The following ZNF317 variants were observed in gnomAD, a reference collection of about 807,000 sequenced individuals.
ZNF317 encodes KRAB-containing zinc finger protein 317.
ZNF317 carries 17 observed loss-of-function variants against 23.4 expected under a neutral mutation model. The observed-to-expected ratio is 0.73, with a 90% CI of 0.50 to 1.09. The LOEUF (loss-of-function observed/expected upper bound fraction) is 1.09, where lower values mean the gene tolerates loss of function less well. Ranked by LOEUF, ZNF317 falls within the 50% of genes least tolerant of loss-of-function variation. The pLI is 0.00. For missense variants in ZNF317, 679 were observed against 796.7 expected (o/e 0.85, Z 1.78); for synonymous variants, 317 against 314.9 (o/e 1.01, Z -0.07).
Position 9,140,463 on chromosome 19 carries a change from G to C in ZNF317, c.-222G>C, listed in dbSNP as rs1031435414. The C allele has an allele frequency of 2.2e-6, 1 of 455,962 alleles. No individual in the cohort carries two copies. Among genetic ancestry groups the C allele is most frequent in the Admixed American group, 2.4e-5 (1 of 42,478 alleles). 28.2% of individuals were successfully genotyped at this position (455,962 alleles called of 1,614,324 possible). ...AGACACATGGGCCAAGGAGGGGTCAGCGGCGAATTCTTTCGGCCTGTTGGG... is the reference window on the plus strand; with the variant it reads ...AGACACATGGGCCAAGGAGGGGTCACCGGCGAATTCTTTCGGCCTGTTGGG... On this transcript the variant is annotated 5_prime_UTR_variant, in exon 1 of 7. Coordinates refer to ENST00000247956, the MANE Select transcript of ZNF317 (RefSeq NM_020933.5).
chr19:9,147,340 T>TG (rs2050693425), intron 1 of ZNF317, among the ~76,000 whole-genome samples: 10 of 55,878 alleles, frequency 1.8e-4, no homozygotes, highest in African/African-American at 1.0e-3. Flanking sequence ...GTTTTTTTTT[T>TG]TTTTTTTTTT....
chr19:9,148,190 C>T (rs2050704773), intron 1 of ZNF317, among the ~76,000 whole-genome samples: 1 of 152,148 alleles, frequency 6.6e-6, no homozygotes, highest in African/African-American at 2.4e-5. Flanking sequence ...TTATAAATTA[C>T]CCAGTCTCAG....
At chr19:9,148,420 G>T (rs2050707315) in intron 1 of ZNF317, among the ~76,000 whole-genome samples, 1 of 152,156 alleles carries the variant, frequency 6.6e-6, no homozygotes, top group African/African-American at 2.4e-5. Flanking sequence ...CTTCATGGAG[G>T]GTGGTGGTGG....
intron 1 of ZNF317, among the ~76,000 whole-genome samples, chr19:9,149,719 C>A (rs2050719750): frequency 1.3e-5 from 2 of 152,054 alleles, no homozygotes; most frequent in South Asian, 4.1e-4. Flanking sequence ...CGGCAGGGAC[C>A]TGGGCCCTTG....
At chr19:9,152,489 G>T (rs1015941646) in intron 1 of ZNF317, among the ~76,000 whole-genome samples, 6 of 152,174 alleles carry the variant, frequency 3.9e-5, no homozygotes, top group African/African-American at 1.4e-4. Context: ...TCCACCTCCT[G>T]TCAGATCATC....
rs761951507 is a variant in ZNF317 at position 9,160,161 on chromosome 19, C to G, written c.516C>G (p.Phe172Leu). 2 of 1,614,124 alleles carry G rather than the reference C, an allele frequency of 1.2e-6. No individual in the cohort carries two copies. The change falls in exon 7 of 7, where the codon TTC (phenylalanine) becomes TTG (leucine). Residue 172 changes from phenylalanine (F) to leucine (L), a missense_variant. By Grantham distance (22) the Phe-to-Leu change is conservative. Transcript: ENST00000247956. The surrounding 1 kb of genome is among the most constrained non-coding windows in gnomAD (Gnocchi z 6.8). ...AGTCCACTGAATACGCTCACTTGTTCGAAGTCTTTGGCATGGACCCTCATC... is the reference window on the plus strand; with the variant it reads ...AGTCCACTGAATACGCTCACTTGTTGGAAGTCTTTGGCATGGACCCTCATC... ...GEKSTEYAHL[F>L]EVFGMDPHLT... is the part of the protein sequence containing the mutation.
chr19:9,158,356 C>CTTTTTTATTTTTT (rs373466874), intron 5 of ZNF317, among the ~76,000 whole-genome samples: 1 of 74,876 alleles, frequency 1.3e-5, no homozygotes, highest in African/African-American at 6.7e-5. Context: ...CCTTAAATTT[C>CTTTTTTATTTTTT]TTTTTTCTTT....
intron 1 of ZNF317, among the ~76,000 whole-genome samples, chr19:9,150,672 A>C (rs201590658): frequency 2.1e-3 from 320 of 152,344 alleles, no homozygotes; most frequent in African/African-American, 7.2e-3. Context: ...GACTGGGATG[A>C]GTGGGCTATG....
chr19:9,145,291 C>T (rs8106716), intron 1 of ZNF317, among the ~76,000 whole-genome samples: 10,165 of 152,094 alleles, frequency 0.067, 355 homozygotes, highest in Middle Eastern at 0.13. Flanking sequence ...GTGAGTTTTT[C>T]GTTTTGTTTT....
Position 9,161,275 on chromosome 19 carries a change from A to G in ZNF317, c.1630A>G (p.Asn544Asp). The change falls in exon 7 of 7, where the codon AAC becomes GAC. Residue 544 changes from asparagine to aspartate, a missense_variant. Asn to Asp is a conservative substitution (Grantham distance 23). Coordinates refer to ENST00000247956, the MANE Select transcript of ZNF317 (RefSeq NM_020933.5). The surrounding 1 kb of genome is among the most constrained non-coding windows in gnomAD (Gnocchi z 4.0). ...HCGKAFSIGSNLNVHRRIHTG... is the reference protein window; with the variant it reads ...HCGKAFSIGSDLNVHRRIHTG... ...TGGGAAGGCCTTCAGCATAGGCTCC[A>G]ACCTGAATGTGCACAGGCGGATCCA... 1 of 1,613,576 alleles carries G rather than the reference A, an allele frequency of 6.2e-7. No homozygotes were observed. Among genetic ancestry groups the G allele is most frequent in the South Asian group, 1.1e-5 (1 of 91,020 alleles).
Position 9,140,541 on chromosome 19 carries a change from C to T in ZNF317, c.-144C>T, listed in dbSNP as rs542147414. 6 of 456,594 alleles carry T rather than the reference C, an allele frequency of 1.3e-5. No individual in the cohort carries two copies. In the East Asian group the frequency reaches 2.8e-4, roughly 21 times the overall value. The allele number at this position is 456,594 out of a possible 1,614,324, so 28.3% of individuals were successfully genotyped here. Reference sequence around the variant, plus strand: ...GACCTCCCGTATGAACTTCTCTTCGCATCGGCGGCGGCTTCCGTCACCTCC... The same window carrying T: ...GACCTCCCGTATGAACTTCTCTTCGTATCGGCGGCGGCTTCCGTCACCTCC... On this transcript the variant is annotated 5_prime_UTR_variant, in exon 1 of 7. Transcript: ENST00000247956.
In ZNF317 at chr19:9,160,412, G is replaced by C; in HGVS notation, c.767G>C (p.Gly256Ala). 1 of 1,614,194 alleles carries C rather than the reference G, an allele frequency of 6.2e-7. No homozygotes were observed. The change falls in exon 7 of 7, where the codon GGG becomes GCG. Residue 256 changes from glycine to alanine, a missense_variant. Coordinates refer to ENST00000247956, the MANE Select transcript of ZNF317 (RefSeq NM_020933.5). The surrounding 1 kb of genome is among the most constrained non-coding windows in gnomAD (Gnocchi z 6.8). ...AAGCCTTACGAGTGCAGCGACTGCG[G>C]GAAAGCCTTCAACGACCCTTCAGCC... ...GEKPYECSDC[G>A]KAFNDPSALR...
Position 9,158,027 on chromosome 19 carries a change from G to A in ZNF317, c.337G>A (p.Glu113Lys), listed in dbSNP as rs2050804585. The A allele has an allele frequency of 6.4e-7, 1 of 1,551,584 alleles. No individual in the cohort carries two copies. The highest frequency in any genetic ancestry group is 8.7e-7 in the Non-Finnish European group (1 of 1,146,950). Residue 113 changes from glutamate to lysine, a missense_variant, in exon 5 of 7, where the codon GAG becomes AAG. By Grantham distance (56) the Glu-to-Lys change is moderately conservative. Coordinates refer to ENST00000247956, the MANE Select transcript of ZNF317 (RefSeq NM_020933.5). ...PSLISHLEQE[E>K]EPRTEERGAH... is the part of the protein sequence containing the mutation. ...CCTCATCTCACACTTGGAGCAGGAGGAGGAGCCGAGGACAGAGGAGAGGGG... is the reference window on the plus strand; with the variant it reads ...CCTCATCTCACACTTGGAGCAGGAGAAGGAGCCGAGGACAGAGGAGAGGGG...
chr19:9,158,363 CTTT>C (rs200591339), intron 5 of ZNF317, among the ~76,000 whole-genome samples: 50 of 76,534 alleles, frequency 6.5e-4, no homozygotes, highest in African/African-American at 2.7e-3. Flanking sequence ...TTTCTTTTTT[CTTT>C]TTTTTTTTTT....
At chr19:9,145,272 C>A (rs893174072) in intron 1 of ZNF317, among the ~76,000 whole-genome samples, 4 of 151,962 alleles carry the variant, frequency 2.6e-5, no homozygotes, top group African/African-American at 9.7e-5. Context: ...GTTTTAGGAG[C>A]CTAGAAATGT....
At chr19:9,158,217 A>G in intron 5 of ZNF317, 142 bp downstream of exon 5, 1 of 1,117,860 alleles carries the variant, frequency 8.9e-7, no homozygotes, top group Non-Finnish European at 1.2e-6. Context: ...TTCTCTGACA[A>G]ATCTTTTGGT....
In ZNF317 at chr19:9,160,998, C is replaced by T. The variant is rs769753252; in HGVS notation, c.1353C>T (p.Cys451=). 3.6e-5 allele frequency: 58 copies of T among 1,614,044 alleles called. No homozygotes were observed. Among genetic ancestry groups the T allele is most frequent in the Middle Eastern group, 1.6e-4 (1 of 6,084 alleles). Residue 451 remains cysteine, a synonymous_variant, in exon 7 of 7, where the codon TGC becomes TGT. Coordinates refer to ENST00000247956, the MANE Select transcript of ZNF317 (RefSeq NM_020933.5). The surrounding 1 kb of genome is among the most constrained non-coding windows in gnomAD (Gnocchi z 6.8). ...AGAAACCATACGGGTGCGATCTCTG[C>T]GGGAAAGCTTTCAGCGCGAGTTCAA... ...TGEKPYGCDL[C]GKAFSASSNL...
At chr19:9,148,919 A>G (rs2145945348) in intron 1 of ZNF317, among the ~76,000 whole-genome samples, 1 of 152,316 alleles carries the variant, frequency 6.6e-6, no homozygotes, top group South Asian at 2.1e-4. Context: ...AATATAGACG[A>G]CAGAATGCAT....
At chr19:9,158,591 G>A (rs2050813892) in intron 5 of ZNF317, among the ~76,000 whole-genome samples, 2 of 151,620 alleles carry the variant, frequency 1.3e-5, no homozygotes, top group African/African-American at 2.4e-5. Context: ...CACCCACCTC[G>A]GCCTCCCAGA....
Sources: gnomAD v4.1 joint callset for allele counts (sites outside exome capture counted in the v4.1 genomes callset) on GRCh38, gnomAD v4.1.1 for gene constraint, Gnocchi (gnomAD v3.1) non-coding constraint, MANE v1.5 for transcripts, NCBI Gene and HGNC (gene_info 2026-07-23, HGNC 2026-07-21) for gene names.